KAZN: variants seen among roughly 807,000 people sequenced by gnomAD.
The protein encoded by KAZN is kazrin, periplakin interacting protein.
Under a neutral mutation model 87.4 loss-of-function variants are expected in KAZN, and 40 were observed. That is an observed-to-expected ratio of 0.46 (90% CI 0.36 to 0.60). The LOEUF is 0.60. Among genes scored for constraint, KAZN ranks in the 20% least tolerant of loss-of-function variants. KAZN has a pLI of 0.00. For synonymous variants in KAZN, 466 were observed against 458.3 expected (o/e 1.02, Z -0.22); for missense variants, 898 against 1,073.9 (o/e 0.84, Z 2.29).
chr1:14,641,001 G>T (rs1057495090), intron 1 of KAZN, among the ~76,000 whole-genome samples: 1 of 152,176 alleles, frequency 6.6e-6, no homozygotes, highest in African/African-American at 2.4e-5. Context: ...CAAAATGACT[G>T]CTGGTAACCA....
intron 2 of KAZN, among the ~76,000 whole-genome samples, chr1:15,023,309 T>C (rs925645956): frequency 2.6e-5 from 4 of 152,104 alleles, no homozygotes; most frequent in African/African-American, 9.7e-5. Flanking sequence ...CAGTGTTAAG[T>C]TGGTGGCCAG....
At chr1:14,033,262 G>C (rs573640524) in intron 1 of KAZN, among the ~76,000 whole-genome samples, 1 of 152,288 alleles carries the variant, frequency 6.6e-6, no homozygotes, top group East Asian at 1.9e-4. Flanking sequence ...GGTGGGCAAG[G>C]ATAGCACTCA....
chr1:14,799,527 G>A (rs183126471), intron 1 of KAZN, among the ~76,000 whole-genome samples: 3 of 152,288 alleles, frequency 2.0e-5, no homozygotes, highest in East Asian at 3.9e-4. Context: ...CAGGTTCGAG[G>A]CTAACTTTCA....
At chr1:14,508,354 C>G (rs1319074333) in intron 2 of KAZN, among the ~76,000 whole-genome samples, 2 of 152,182 alleles carry the variant, frequency 1.3e-5, no homozygotes, top group Non-Finnish European at 2.9e-5. Flanking sequence ...ACCCCCAAGA[C>G]TTCATGACTT....
chr1:14,009,329 T>C (rs192545308), intron 1 of KAZN, among the ~76,000 whole-genome samples: 2 of 152,316 alleles, frequency 1.3e-5, no homozygotes, highest in East Asian at 3.9e-4. Flanking sequence ...TACCTGGAGG[T>C]AGAATTGCTA....
chr1:14,270,451 T>C, intron 2 of KAZN, among the ~76,000 whole-genome samples: 1 of 152,200 alleles, frequency 6.6e-6, no homozygotes, highest in East Asian at 1.9e-4. Flanking sequence ...ATCTCTGAGC[T>C]TTAGTTTCAC....
At chr1:13,958,769 G>A (rs1316015447) in intron 1 of KAZN, among the ~76,000 whole-genome samples, 3 of 152,034 alleles carry the variant, frequency 2.0e-5, no homozygotes, top group African/African-American at 4.8e-5. Flanking sequence ...ACCTGGAAGA[G>A]CCAAAGGGCA....
chr1:14,108,503 G>A (rs1364732927), intron 1 of KAZN, among the ~76,000 whole-genome samples: 1 of 152,082 alleles, frequency 6.6e-6, no homozygotes, highest in African/African-American at 2.4e-5. Flanking sequence ...CTCAAAACGT[G>A]GCATCGTGCC....
At chr1:15,041,516 T>C (rs1229255575) in intron 3 of KAZN, among the ~76,000 whole-genome samples, 1 of 151,684 alleles carries the variant, frequency 6.6e-6, no homozygotes. Flanking sequence ...TTTGTATTTT[T>C]AGTAGAGGCA....
chr1:14,539,127 A>G (rs1008314797), intron 2 of KAZN, among the ~76,000 whole-genome samples: 1 of 152,202 alleles, frequency 6.6e-6, no homozygotes, highest in Non-Finnish European at 1.5e-5. Flanking sequence ...AAACTACAAC[A>G]TTTTACTGTC....
chr1:13,977,835 C>T (rs373346335), intron 1 of KAZN, among the ~76,000 whole-genome samples: 13 of 152,196 alleles, frequency 8.5e-5, no homozygotes, highest in African/African-American at 2.4e-4. Context: ...ATGCAATTGT[C>T]GGATTCTCTA....
Position 14,572,276 on chromosome 1 carries a change from C to T in KAZN, c.250-26707C>T, listed in dbSNP as rs149005767. Among the ~76,000 whole-genome samples the T allele has an allele frequency of 1.2e-3, 185 of 152,256 alleles. 1 individual carries two copies. Among genetic ancestry groups the T allele is most frequent in the Admixed American group, 4.8e-3 (74 of 15,284 alleles). On this transcript the variant is annotated intron_variant, in intron 2 of 16. Transcript: ENST00000636203. ...TGATGCAGATTAATGATGCAGAGTC[C>T]GCTGGCACGGCATTGTACAAAGGCT...
intron 2 of KAZN, among the ~76,000 whole-genome samples, chr1:14,310,674 C>T (rs1344223562): frequency 6.6e-6 from 1 of 152,204 alleles, no homozygotes; most frequent in Non-Finnish European, 1.5e-5. Flanking sequence ...GAAGTTTACT[C>T]GCAATTTCTA....
At chr1:15,037,804 G>T (rs1261076764) in intron 3 of KAZN, among the ~76,000 whole-genome samples, 2 of 152,142 alleles carry the variant, frequency 1.3e-5, no homozygotes, top group Non-Finnish European at 2.9e-5. Flanking sequence ...CGTAGGTCTG[G>T]TTTCTGGGAA....
At position 14,905,490 on chromosome 1, in the gene KAZN, G is replaced by A. The variant is rs144148012; in HGVS notation, c.227-55194G>A. Among the ~76,000 whole-genome samples, 356 of 152,284 alleles carry A rather than the reference G, an allele frequency of 2.3e-3. 1 individual carries two copies. Among genetic ancestry groups the A allele is most frequent in the African/African-American group, 7.6e-3 (317 of 41,566 alleles). On this transcript the variant is annotated intron_variant, in intron 1 of 14. Transcript: ENST00000376030. ...CCTGCATCTGGCACATCCTCCCAAGGTCTCCTAACCAAACAGTAATGAGGA... is the reference window on the plus strand; with the variant it reads ...CCTGCATCTGGCACATCCTCCCAAGATCTCCTAACCAAACAGTAATGAGGA...
At chr1:14,318,848 C>T (rs1369596501) in intron 2 of KAZN, among the ~76,000 whole-genome samples, 2 of 151,818 alleles carry the variant, frequency 1.3e-5, no homozygotes, top group Admixed American at 6.6e-5. Context: ...AGATGTTATA[C>T]GTCTAGAGAC....
chr1:14,162,098 C>T (rs1645722067), intron 1 of KAZN, among the ~76,000 whole-genome samples: 1 of 152,210 alleles, frequency 6.6e-6, no homozygotes, highest in Non-Finnish European at 1.5e-5. Flanking sequence ...AATAATTCCT[C>T]ATGGTTTTTG....
intron 1 of KAZN, among the ~76,000 whole-genome samples, chr1:14,168,814 A>G (rs1429092067): frequency 1.3e-5 from 2 of 152,178 alleles, no homozygotes; most frequent in Admixed American, 1.3e-4. Context: ...CAACAGAAGG[A>G]CAGAGCCAGT....
chr1:14,259,964 G>A (rs757037877), intron 2 of KAZN, among the ~76,000 whole-genome samples: 67 of 152,210 alleles, frequency 4.4e-4, no homozygotes, highest in African/African-American at 1.3e-3. Flanking sequence ...CAACGCAAGC[G>A]GATTTTTCTT....
Sources: allele counts gnomAD v4.1 joint callset (sites outside exome capture counted in the v4.1 genomes callset), GRCh38; gene constraint gnomAD v4.1.1; transcripts MANE v1.5; gene names NCBI Gene and HGNC (gene_info 2026-07-23, HGNC 2026-07-21).